SLC24A3: variants seen among roughly 807,000 people sequenced by gnomAD.
The protein encoded by SLC24A3 is solute carrier family 24 member 3.
SLC24A3 carries 28 observed loss-of-function variants against 75.8 expected under a neutral mutation model. The ratio of observed to expected loss-of-function variants is 0.37; its 90% CI spans 0.27 to 0.51. The LOEUF (loss-of-function observed/expected upper bound fraction) is 0.51. SLC24A3 is among the 20% of genes least tolerant of loss of function. The pLI, the probability that SLC24A3 is intolerant of heterozygous loss-of-function variation, is 0.94. For synonymous variants in SLC24A3, 372 were observed against 334.1 expected (o/e 1.11, Z -1.24); for missense variants, 663 against 847.8 (o/e 0.78, Z 2.71).
intron 2 of SLC24A3, among the ~76,000 whole-genome samples, chr20:19,437,016 A>T (rs1366910857): frequency 6.6e-6 from 1 of 152,262 alleles, no homozygotes; most frequent in Non-Finnish European, 1.5e-5. Context: ...TAAATGAGTG[A>T]ACAGAATAAC....
intron 2 of SLC24A3, among the ~76,000 whole-genome samples, chr20:19,387,205 T>C (rs1222968653): frequency 1.3e-5 from 2 of 152,092 alleles, no homozygotes; most frequent in Admixed American, 6.5e-5. Flanking sequence ...CTCTTTTATT[T>C]ATAATTTTGT....
At chr20:19,254,048 C>G (rs564219635) in intron 1 of SLC24A3, among the ~76,000 whole-genome samples, 2 of 152,296 alleles carry the variant, frequency 1.3e-5, no homozygotes, top group African/African-American at 4.8e-5. Flanking sequence ...GTTGCCAGGT[C>G]TTCTGGTTTT....
In SLC24A3 at chr20:19,585,152, A is replaced by C. The variant is rs543633339; in HGVS notation, c.508+97A>C. On this transcript the variant is annotated intron_variant, in intron 5 of 16. Coordinates refer to ENST00000328041, the MANE Select transcript of SLC24A3 (RefSeq NM_020689.4). ...CCCAGACCGAGATTGTCTGCCACTCATAGAAAATGATAATCCAGGGACCCC... is the reference window on the plus strand; with the variant it reads ...CCCAGACCGAGATTGTCTGCCACTCCTAGAAAATGATAATCCAGGGACCCC... 6.6e-4 allele frequency: 713 copies of C among 1,087,974 alleles called. 1 individual carries two copies. Among genetic ancestry groups the C allele is most frequent in the Admixed American group, 1.7e-3 (75 of 43,170 alleles). 67.4% of individuals were successfully genotyped at this position (1,087,974 alleles called of 1,614,324 possible). A position where few individuals can be genotyped will look rare whatever the true frequency, so the allele number is the denominator to read the frequency against.
chr20:19,700,842 A>G (rs774482984), intron 15 of SLC24A3, among the ~76,000 whole-genome samples: 1 of 152,194 alleles, frequency 6.6e-6, no homozygotes, highest in East Asian at 1.9e-4. Context: ...TGTTGATTCA[A>G]ACCTTTCACT....
intron 3 of SLC24A3, among the ~76,000 whole-genome samples, chr20:19,569,318 C>CCTT (rs1257980044): frequency 6.6e-6 from 1 of 152,106 alleles, no homozygotes; most frequent in East Asian, 1.9e-4. Context: ...TTATTGAGGG[C>CCTT]CTTAGTACAT....
At chr20:19,626,211 T>G (rs1047868933) in intron 6 of SLC24A3, among the ~76,000 whole-genome samples, 2 of 152,244 alleles carry the variant, frequency 1.3e-5, no homozygotes, top group African/African-American at 4.8e-5. Flanking sequence ...AGACTTGACA[T>G]GATCCTGCTC....
chr20:19,495,773 T>C (rs1411508808), intron 2 of SLC24A3, among the ~76,000 whole-genome samples: 1 of 152,182 alleles, frequency 6.6e-6, no homozygotes, highest in African/African-American at 2.4e-5. Context: ...TACAATCTTT[T>C]CCATTCTGAA....
At chr20:19,308,631 C>G (rs139571935) in intron 2 of SLC24A3, among the ~76,000 whole-genome samples, 1 of 152,100 alleles carries the variant, frequency 6.6e-6, no homozygotes, top group African/African-American at 2.4e-5. Context: ...CTTTATTGAG[C>G]GATTTTTTAT....
intron 7 of SLC24A3, among the ~76,000 whole-genome samples, chr20:19,656,421 A>G (rs1204684604): frequency 1.3e-5 from 2 of 152,028 alleles, no homozygotes; most frequent in Non-Finnish European, 2.9e-5. Flanking sequence ...CTGTTAGGAG[A>G]TTTAAGGACA....
At chr20:19,502,868 CAAAAAAAAAA>C (rs368651686) in intron 2 of SLC24A3, among the ~76,000 whole-genome samples, 2 of 72,208 alleles carry the variant, frequency 2.8e-5, no homozygotes, top group Admixed American at 1.8e-4. Flanking sequence ...CTGTCTCTAC[CAAAAAAAAAA>C]AAAAAAAAAA....
rs148995943 is a variant in SLC24A3 at position 19,580,775 on chromosome 20, G to A, written c.423+701G>A. 3.3e-4 allele frequency among the ~76,000 whole-genome samples: 50 copies of A among 151,978 alleles called. 1 individual carries two copies. The highest frequency in any genetic ancestry group is 1.1e-3 in the African/African-American group (45 of 41,418). On this transcript the variant is annotated intron_variant, in intron 4 of 16. Coordinates refer to ENST00000328041, the MANE Select transcript of SLC24A3 (RefSeq NM_020689.4). ...TTTTATTTATTTATTTATATTTATC[G>A]GTTTATATTTTAATTCAGAATCCCT...
At chr20:19,698,459 TGTGA>T in intron 14 of SLC24A3, 105 bp from the exon 15 acceptor site, 1 of 679,608 alleles carries the variant, frequency 1.5e-6, no homozygotes, top group Non-Finnish European at 2.6e-6. Flanking sequence ...GAAGCACATA[TGTGA>T]GCTTGCAGAA....
intron 7 of SLC24A3, among the ~76,000 whole-genome samples, chr20:19,662,248 A>G (rs1029280108): frequency 2.6e-5 from 4 of 152,284 alleles, no homozygotes; most frequent in Admixed American, 2.0e-4. Flanking sequence ...CAGAGAGAAG[A>G]ACGCTTACCC....
intron 2 of SLC24A3, among the ~76,000 whole-genome samples, chr20:19,322,328 T>C (rs1245700345): frequency 6.7e-6 from 1 of 150,318 alleles, no homozygotes; most frequent in African/African-American, 2.5e-5. Flanking sequence ...AGTATCATTA[T>C]GGATTCATGG....
At chr20:19,511,939 A>T (rs939032101) in intron 2 of SLC24A3, among the ~76,000 whole-genome samples, 2 of 152,172 alleles carry the variant, frequency 1.3e-5, no homozygotes, top group African/African-American at 4.8e-5. Flanking sequence ...CAGTGGTTCA[A>T]AACCGTTAGA....
chr20:19,427,801 G>C (rs1343915195), intron 2 of SLC24A3, among the ~76,000 whole-genome samples: 1 of 152,222 alleles, frequency 6.6e-6, no homozygotes, highest in Non-Finnish European at 1.5e-5. Context: ...GACCTGTAGA[G>C]GTTGTCTGGA....
intron 2 of SLC24A3, among the ~76,000 whole-genome samples, chr20:19,462,204 A>T (rs1031577144): frequency 5.3e-5 from 8 of 152,136 alleles, no homozygotes; most frequent in Non-Finnish European, 1.0e-4. Flanking sequence ...TAGGAAACCC[A>T]GATGACTGGA....
chr20:19,223,067 C>T (rs1035860576), intron 1 of SLC24A3, among the ~76,000 whole-genome samples: 6 of 151,944 alleles, frequency 3.9e-5, no homozygotes, highest in African/African-American at 7.3e-5. Context: ...CCGAGGTGGG[C>T]GGATCATCTG....
intron 6 of SLC24A3, among the ~76,000 whole-genome samples, chr20:19,640,178 C>G (rs1400795550): frequency 2.6e-5 from 4 of 152,252 alleles, no homozygotes; most frequent in Admixed American, 2.0e-4. Flanking sequence ...GTGAGGACTG[C>G]CAGCACGCTG....
Sources: gnomAD v4.1 joint callset for allele counts (sites outside exome capture counted in the v4.1 genomes callset) on GRCh38, gnomAD v4.1.1 for gene constraint, MANE v1.5 for transcripts, NCBI Gene and HGNC (gene_info 2026-07-23, HGNC 2026-07-21) for gene names.